Variants in MTHFD1L observed in about 807,000 individuals in gnomAD.
MTHFD1L encodes the protein methylenetetrahydrofolate dehydrogenase (NADP+ dependent) 1 like, also known as monofunctional C1-tetrahydrofolate synthase, mitochondrial.
MTHFD1L carries 81 observed loss-of-function variants against 119.5 expected under a neutral mutation model. The ratio of observed to expected loss-of-function variants is 0.68; its 90% confidence interval spans 0.57 to 0.82. The LOEUF is 0.82. Among genes scored for constraint, MTHFD1L ranks in the 40% least tolerant of loss-of-function variants. The pLI is 0.00. For missense variants in MTHFD1L, 1,125 were observed against 1,253.4 expected (o/e 0.90, Z 1.55); for synonymous variants, 430 against 475.2 (o/e 0.90, Z 1.24).
intron 8 of MTHFD1L, among the ~76,000 whole-genome samples, chr6:150,915,929 A>G (rs1787780635): frequency 6.6e-6 from 1 of 152,196 alleles, no homozygotes; most frequent in Non-Finnish European, 1.5e-5. Flanking sequence ...TCCATCGCTT[A>G]AAGATAGAGG....
intron 13 of MTHFD1L, among the ~76,000 whole-genome samples, chr6:150,940,602 A>T (rs1230867478): frequency 7.4e-6 from 1 of 135,384 alleles, no homozygotes; most frequent in Non-Finnish European, 1.6e-5. Context: ...ATTTTTTGAG[A>T]TGGAGTCTCG....
At chr6:151,049,704 G>A (rs1488232282) in intron 26 of MTHFD1L, among the ~76,000 whole-genome samples, 1 of 151,420 alleles carries the variant, frequency 6.6e-6, no homozygotes, top group Non-Finnish European at 1.5e-5. Flanking sequence ...CCCCCTCCTT[G>A]GGTTCAATTA....
chr6:150,936,209 C>A (rs970372427), intron 11 of MTHFD1L, among the ~76,000 whole-genome samples: 4 of 146,918 alleles, frequency 2.7e-5, no homozygotes, highest in Admixed American at 1.3e-4. Context: ...AACTTTTGAA[C>A]TGTAACAGCT....
intron 4 of MTHFD1L, among the ~76,000 whole-genome samples, chr6:150,879,126 G>A (rs376212495): frequency 1.3e-5 from 2 of 152,208 alleles, no homozygotes; most frequent in East Asian, 1.9e-4. Context: ...AGAAGAGAAA[G>A]GAAACTATAT....
intron 26 of MTHFD1L, among the ~76,000 whole-genome samples, chr6:151,087,642 A>G (rs892050749): frequency 1.1e-4 from 17 of 152,242 alleles, no homozygotes; most frequent in Non-Finnish European, 2.5e-4. Flanking sequence ...CTATCACTTT[A>G]TGAAACAGAA....
intron 10 of MTHFD1L, among the ~76,000 whole-genome samples, chr6:150,925,244 A>C (rs1052710826): frequency 6.6e-6 from 1 of 152,180 alleles, no homozygotes; most frequent in Non-Finnish European, 1.5e-5. Context: ...CTTTAAGGGT[A>C]GTCCCCCGCC....
intron 13 of MTHFD1L, among the ~76,000 whole-genome samples, chr6:150,942,134 C>T (rs1319093769): frequency 1.3e-5 from 2 of 152,116 alleles, no homozygotes; most frequent in Non-Finnish European, 2.9e-5. Context: ...TGGCAGGCGC[C>T]TGTAATCCCA....
intron 1 of MTHFD1L, chr6:150,866,296 A>AT: frequency 6.8e-7 from 1 of 1,473,728 alleles, no homozygotes; most frequent in East Asian, 2.9e-5. Context: ...GGCATCTCCA[A>AT]TGGGCGCCTA....
chr6:151,058,052 C>G (rs1380754724), intron 26 of MTHFD1L, among the ~76,000 whole-genome samples: 18 of 152,226 alleles, frequency 1.2e-4, no homozygotes, highest in Admixed American at 1.0e-3. Flanking sequence ...GCTAGGATTT[C>G]AGGCATAAGC....
intron 1 of MTHFD1L, among the ~76,000 whole-genome samples, chr6:150,870,912 G>A (rs1455829402): frequency 1.4e-5 from 2 of 147,410 alleles, no homozygotes; most frequent in Admixed American, 6.9e-5. Flanking sequence ...GCGAGACTCC[G>A]TCTCAAAACA....
chr6:150,945,399 C>A (rs1452638729), intron 14 of MTHFD1L, 68 bp from the exon 15 acceptor site: 3 of 1,277,288 alleles, frequency 2.3e-6, no homozygotes, highest in Non-Finnish European at 3.4e-6. Context: ...TTTGTCATAT[C>A]CTGTGAATTG....
intron 18 of MTHFD1L, among the ~76,000 whole-genome samples, chr6:150,963,893 C>T (rs917095778): frequency 6.6e-6 from 1 of 152,320 alleles, no homozygotes. Context: ...AAAGGCCGGG[C>T]ACGGTGGCTC....
rs150451170 is a variant in MTHFD1L, at chr6:150,975,947, G to C, written c.2125+3889G>C. On this transcript the variant is annotated intron_variant, in intron 20 of 27. Coordinates refer to ENST00000367321, the MANE Select transcript of MTHFD1L (RefSeq NM_015440.5). ...TTCTGGTCCTCACTTGTGGCTTAAG[G>C]GGGAAGCGGGGACGCCAAGGCGGGT... 2.4e-4 allele frequency among the ~76,000 whole-genome samples: 37 copies of C among 152,260 alleles called. 1 individual carries two copies. The East Asian group carries it at 7.2e-3, about 29-fold the overall frequency.
chr6:151,073,325 A>T (rs1442537297), intron 26 of MTHFD1L, among the ~76,000 whole-genome samples: 2 of 152,244 alleles, frequency 1.3e-5, no homozygotes, highest in African/African-American at 4.8e-5. Context: ...ATGAGGGAAC[A>T]GTGCCTGCCT....
chr6:150,956,919 C>T (rs1450122313), intron 17 of MTHFD1L, among the ~76,000 whole-genome samples: 1 of 152,030 alleles, frequency 6.6e-6, no homozygotes, highest in African/African-American at 2.4e-5. Flanking sequence ...GTAACTTACA[C>T]ACACACACAC....
Position 150,865,764 on chromosome 6 carries a change from G to A in MTHFD1L, c.-59G>A. ...GCCGCCGCCTGCTCCCCTGGCACGC[G>A]CCCCGCCGCCCTCGGCAGCCGCAGC... On this transcript the variant is annotated 5_prime_UTR_variant, in exon 1 of 28. Coordinates refer to ENST00000367321, the MANE Select transcript of MTHFD1L (RefSeq NM_015440.5). The A allele has an allele frequency of 1.6e-6, 2 of 1,212,574 alleles. No individual in the cohort carries two copies. Among genetic ancestry groups the A allele is most frequent in the African/African-American group, 1.7e-5 (1 of 58,440 alleles). The allele number at this position is 1,212,574 out of a possible 1,614,324, so 75.1% of individuals were successfully genotyped here. A position where few individuals can be genotyped will look rare whatever the true frequency, so the allele number is the denominator to read the frequency against.
At chr6:151,032,379 G>C (rs1314578576) in intron 24 of MTHFD1L, among the ~76,000 whole-genome samples, 1 of 152,100 alleles carries the variant, frequency 6.6e-6, no homozygotes, top group African/African-American at 2.4e-5. Flanking sequence ...GCAAGAGATG[G>C]GGTGGGAGGT....
rs370251078 is a variant in MTHFD1L, at chr6:150,960,408, A to G, written c.1937A>G (p.Asp646Gly). ...SDKSGQPVTADDLGVTGALTV... is the reference protein window; with the variant it reads ...SDKSGQPVTAGDLGVTGALTV... ...AAAAGCGGGCAGCCTGTGACAGCAG[A>G]TGATTTGGTGAGTGTTTCCAACTCG... Residue 646 changes from aspartate (D) to glycine (G), a missense_variant, in exon 18 of 28, where the codon GAT (aspartate) becomes GGT (glycine). Transcript: ENST00000367321. 2.5e-5 allele frequency: 40 copies of G among 1,608,446 alleles called. No individual in the cohort carries two copies. Among genetic ancestry groups the G allele is most frequent in the Non-Finnish European group, 3.4e-5 (40 of 1,177,154 alleles).
intron 26 of MTHFD1L, among the ~76,000 whole-genome samples, chr6:151,057,568 G>T (rs1049785511): frequency 6.6e-6 from 1 of 151,946 alleles, no homozygotes; most frequent in African/African-American, 2.4e-5. Context: ...GGAGGTAAAG[G>T]CTGAAGTGAG....
Sources: allele counts gnomAD v4.1 joint callset (sites outside exome capture counted in the v4.1 genomes callset), GRCh38; gene constraint gnomAD v4.1.1; transcripts MANE v1.5; gene names NCBI Gene and HGNC (gene_info 2026-07-23, HGNC 2026-07-21).